RAB38: variants seen among roughly 807,000 people sequenced by gnomAD.
The protein encoded by RAB38 is RAB38, member RAS oncogene family, also known as ras-related protein Rab-38.
RAB38 carries 15 observed loss-of-function variants against 18.4 expected under a neutral mutation model. That is an observed-to-expected ratio of 0.82 (90% CI 0.55 to 1.26). The LOEUF (loss-of-function observed/expected upper bound fraction) is 1.26. RAB38 is among the 50% of genes most tolerant of loss of function. RAB38 has a pLI of 0.00. For synonymous variants in RAB38, 101 were observed against 104.4 expected (o/e 0.97, Z 0.20); for missense variants, 294 against 267.4 (o/e 1.10, Z -0.69).
chr11:87,805,260 A>G, the RAB38 span, among the ~76,000 whole-genome samples: 8 of 152,240 alleles, frequency 5.3e-5, no homozygotes, highest in South Asian at 2.1e-4. Flanking sequence ...TTCCATCCAT[A>G]TGTGCAACTA....
chr11:88,018,021 T>C, the RAB38 span, among the ~76,000 whole-genome samples: 1 of 152,132 alleles, frequency 6.6e-6, no homozygotes, highest in African/African-American at 2.4e-5. Flanking sequence ...GTATGAGACA[T>C]GCCTTTCACC....
the RAB38 span, among the ~76,000 whole-genome samples, chr11:87,874,666 TAATAA>T: frequency 3.1e-4 from 46 of 149,552 alleles, no homozygotes; most frequent in African/African-American, 7.8e-4. Flanking sequence ...ATATATAAAA[TAATAA>T]AATAAAATAA....
At chr11:88,141,212 G>T (rs996379426) in intron 2 of RAB38, among the ~76,000 whole-genome samples, 3 of 152,074 alleles carry the variant, frequency 2.0e-5, no homozygotes, top group Non-Finnish European at 4.4e-5. Flanking sequence ...CATATTTTTT[G>T]ATCACTGTTT....
chr11:88,130,602 C>T (rs1366465691), intron 2 of RAB38, among the ~76,000 whole-genome samples: 28 of 152,178 alleles, frequency 1.8e-4, no homozygotes, highest in Admixed American at 1.8e-3. Context: ...AACATCTGAT[C>T]TTTAGTATAA....
the RAB38 span, among the ~76,000 whole-genome samples, chr11:88,071,104 A>T: frequency 6.6e-6 from 1 of 152,164 alleles, no homozygotes; most frequent in Non-Finnish European, 1.5e-5. Flanking sequence ...AGAGTCAGGG[A>T]AACAGTAGCA....
At chr11:87,894,261 T>C in the RAB38 span, among the ~76,000 whole-genome samples, 64 of 151,576 alleles carry the variant, frequency 4.2e-4, no homozygotes, top group Non-Finnish European at 7.5e-4. Flanking sequence ...CAATCAGTAA[T>C]TGAGAGGCAA....
the RAB38 span, among the ~76,000 whole-genome samples, chr11:87,965,307 T>C: frequency 2.5e-4 from 33 of 129,938 alleles, no homozygotes; most frequent in Non-Finnish European, 4.1e-4. Flanking sequence ...AAAAAAAAAA[T>C]GATTACTGTG....
chr11:87,926,508 G>T, the RAB38 span, among the ~76,000 whole-genome samples: 1 of 131,314 alleles, frequency 7.6e-6, no homozygotes, highest in Admixed American at 8.0e-5. Flanking sequence ...TCAAATGGTG[G>T]TTTTTTTGTT....
chr11:88,032,631 C>T, the RAB38 span, among the ~76,000 whole-genome samples: 21 of 152,176 alleles, frequency 1.4e-4, no homozygotes, highest in African/African-American at 4.8e-4. Context: ...AAAAAACGCT[C>T]GCCATCACTG....
the RAB38 span, among the ~76,000 whole-genome samples, chr11:87,834,482 A>G: frequency 6.6e-6 from 1 of 152,216 alleles, no homozygotes; most frequent in African/African-American, 2.4e-5. Flanking sequence ...ATAGAAAACT[A>G]ATACAGAGAT....
the RAB38 span, among the ~76,000 whole-genome samples, chr11:87,951,811 G>C: frequency 6.6e-6 from 1 of 151,950 alleles, no homozygotes; most frequent in South Asian, 2.1e-4. Flanking sequence ...GCCCCTACTG[G>C]GGGGGTGCCT....
At chr11:88,112,505 C>G (rs1942486803), downstream of RAB38, among the ~76,000 whole-genome samples, 1 of 152,138 alleles carries the variant, frequency 6.6e-6, no homozygotes, top group African/African-American at 2.4e-5. Flanking sequence ...ATCTCAGGAT[C>G]CTGCAGAGTT....
the RAB38 span, among the ~76,000 whole-genome samples, chr11:87,844,766 T>C: frequency 6.6e-6 from 1 of 152,146 alleles, no homozygotes; most frequent in Non-Finnish European, 1.5e-5. Context: ...ATGGGAAAAC[T>C]TGAAGTTAAT....
At chr11:87,955,268 AAT>A in the RAB38 span, among the ~76,000 whole-genome samples, 82 of 152,338 alleles carry the variant, frequency 5.4e-4, 1 homozygote, top group African/African-American at 1.9e-3. Context: ...TTATAAAGGA[AAT>A]ATATTTCCTC....
the RAB38 span, among the ~76,000 whole-genome samples, chr11:88,055,380 C>A: frequency 1.3e-5 from 2 of 152,158 alleles, no homozygotes; most frequent in Non-Finnish European, 2.9e-5. Flanking sequence ...TAGCAATATT[C>A]ATAAAGCAAC....
the RAB38 span, among the ~76,000 whole-genome samples, chr11:87,909,219 T>C: frequency 6.6e-6 from 1 of 152,108 alleles, no homozygotes; most frequent in African/African-American, 2.4e-5. Flanking sequence ...TTTTCTCTTT[T>C]CATTTAGCTA....
chr11:87,849,375 A>G, the RAB38 span, among the ~76,000 whole-genome samples: 1 of 152,158 alleles, frequency 6.6e-6, no homozygotes, highest in Non-Finnish European at 1.5e-5. Flanking sequence ...TGGTCGCCAT[A>G]TATAGAATTG....
the RAB38 span, among the ~76,000 whole-genome samples, chr11:88,019,728 T>C: frequency 6.6e-6 from 1 of 152,176 alleles, no homozygotes; most frequent in Non-Finnish European, 1.5e-5. Flanking sequence ...TACAGCCTTC[T>C]CTACTAAGAT....
the RAB38 span, among the ~76,000 whole-genome samples, chr11:87,833,387 C>T: frequency 2.0e-5 from 3 of 152,166 alleles, no homozygotes; most frequent in Admixed American, 2.0e-4. Context: ...CACTATCCTA[C>T]CTCCTCCCAA....
Sources: gnomAD v4.1 joint callset for allele counts (sites outside exome capture counted in the v4.1 genomes callset) on GRCh38, gnomAD v4.1.1 for gene constraint, MANE v1.5 for transcripts, NCBI Gene and HGNC (gene_info 2026-07-23, HGNC 2026-07-21) for gene names.